Variants in ALPK3 observed in about 807,000 individuals in gnomAD.
The protein encoded by ALPK3 is alpha-protein kinase 3.
A neutral mutation model predicts 140.0 loss-of-function variants in ALPK3; 102 were observed. The observed-to-expected ratio is 0.73, with a 90% CI of 0.62 to 0.86. ALPK3 has a LOEUF of 0.86. Among genes scored for constraint, ALPK3 ranks in the 40% least tolerant of loss-of-function variants. ALPK3 has a pLI of 0.00. For synonymous variants in ALPK3, 938 were observed against 898.5 expected (o/e 1.04, Z -0.79); for missense variants, 2,254 against 2,208.2 (o/e 1.02, Z -0.42).
At chr15:84,830,733 T>C (rs1301117665) in intron 3 of ALPK3, among the ~76,000 whole-genome samples, 1 of 152,232 alleles carries the variant, frequency 6.6e-6, no homozygotes, top group Non-Finnish European at 1.5e-5. Context: ...AGATTTCCTC[T>C]GTCACCCCGG....
In ALPK3 at chr15:84,829,883, T is replaced by A. The variant is rs535175903; in HGVS notation, c.304+2278T>A. On this transcript the variant is annotated intron_variant, in intron 3 of 13. Transcript: ENST00000258888. ...GGGGCTTATTGTGTTGACTGTATAGTCCGGATGGTTGCTGTGTCCTGAGGA... is the reference window on the plus strand; with the variant it reads ...GGGGCTTATTGTGTTGACTGTATAGACCGGATGGTTGCTGTGTCCTGAGGA... Among the ~76,000 whole-genome samples, 11 of 152,332 alleles carry A rather than the reference T, an allele frequency of 7.2e-5. No individual in the cohort carries two copies. In the South Asian group the frequency reaches 2.3e-3, roughly 32 times the overall value.
chr15:84,861,518 T>C lies in ALPK3; in HGVS notation c.4130-1117T>C, dbSNP rs372194041. 1.9e-3 allele frequency among the ~76,000 whole-genome samples: 292 copies of C among 152,374 alleles called. 4 individuals carry two copies. Among genetic ancestry groups the C allele is most frequent in the African/African-American group, 6.8e-3 (284 of 41,592 alleles). ...AGGTGCATCTGTGTGATCCATCCCC[T>C]TTTAAAGTTAAAAACAATCTGATAC... On this transcript the variant is annotated intron_variant, in intron 9 of 13. Transcript: ENST00000258888.
Position 84,839,967 on chromosome 15 carries a change from G to T in ALPK3, c.688G>T (p.Ala230Ser). Residue 230 changes from alanine to serine, a missense_variant, in exon 5 of 14, where the codon GCT becomes TCT. Transcript: ENST00000258888. ...CCAGCGAAAGCGGCGATTGAGCGGG[G>T]CTCAAGCGCCGGGCCCCTCGGTCCC... ...RFQRKRRLSG[A>S]QAPGPSVPTR... 2 of 1,612,996 alleles carry T rather than the reference G, an allele frequency of 1.2e-6. No homozygotes were observed.
chr15:84,840,187 G>A lies in ALPK3; in HGVS notation c.908G>A (p.Gly303Glu). Residue 303 changes from glycine to glutamate, a missense_variant, in exon 5 of 14, where the codon GGG becomes GAG. Physicochemically the swap from Gly to Glu is moderately conservative, Grantham distance 98 (BLOSUM62 -2). Coordinates refer to ENST00000258888, the MANE Select transcript of ALPK3 (RefSeq NM_020778.5). ...TACATCTGTGACGCCATGGAGCTGG[G>A]GCCTCAGAGAGCCCTCAAAGAGGAG... Reference protein sequence around the residue: ...LTYICDAMELGPQRALKEESG... With the variant: ...LTYICDAMELEPQRALKEESG... 6.2e-7 allele frequency: 1 copy of A among 1,613,876 alleles called. No individual in the cohort carries two copies. Among genetic ancestry groups the A allele is most frequent in the East Asian group, 2.2e-5 (1 of 44,858 alleles).
chr15:84,838,579 C>T (rs988742012), intron 3 of ALPK3, among the ~76,000 whole-genome samples: 4 of 151,192 alleles, frequency 2.6e-5, no homozygotes, highest in Non-Finnish European at 2.9e-5. Context: ...TGGGAAGCCA[C>T]GGCCTCGTGT....
At chr15:84,829,131 A>G (rs1296250570) in intron 3 of ALPK3, among the ~76,000 whole-genome samples, 2 of 152,190 alleles carry the variant, frequency 1.3e-5, no homozygotes, top group African/African-American at 2.4e-5. Context: ...CCCAGAAGCA[A>G]CTGTTTTCAG....
intron 3 of ALPK3, among the ~76,000 whole-genome samples, chr15:84,838,679 G>A (rs1333168948): frequency 6.6e-6 from 1 of 150,736 alleles, no homozygotes; most frequent in African/African-American, 2.4e-5. Context: ...GAGTGCAGTG[G>A]CAAGATCTTG....
Position 84,858,565 on chromosome 15 carries a change from G to T in ALPK3, c.3817+10G>T. On this transcript the variant is annotated intron_variant, in intron 6 of 13. Coordinates refer to ENST00000258888, the MANE Select transcript of ALPK3 (RefSeq NM_020778.5). ...AAAGACCTGCTGAAAGGTGAGCAGT[G>T]GGGAGGGAGAGGGATGGCTTCACAG... The T allele has an allele frequency of 6.4e-7, 1 of 1,569,436 alleles. No individual in the cohort carries two copies. The highest frequency in any genetic ancestry group is 8.6e-7 in the Non-Finnish European group (1 of 1,166,186).
At chr15:84,843,085 C>A (rs1963685480) in intron 5 of ALPK3, among the ~76,000 whole-genome samples, 1 of 152,240 alleles carries the variant, frequency 6.6e-6, no homozygotes, top group African/African-American at 2.4e-5. Context: ...CCAGCCCCCT[C>A]TTCCTTGCCT....
At chr15:84,856,061 G>T (rs183053090) in intron 5 of ALPK3, among the ~76,000 whole-genome samples, 3 of 152,272 alleles carry the variant, frequency 2.0e-5, no homozygotes, top group Middle Eastern at 6.8e-3. Context: ...ATATGGTAGG[G>T]GTGAGGGGTG....
In ALPK3 at chr15:84,839,991, C is replaced by A. The variant is rs138094037; in HGVS notation, c.712C>A (p.Pro238Thr). ...SGAQAPGPSV[P>T]TREPEGGTLA... The stretch of plus-strand genomic sequence containing the variant: ...GGCTCAAGCGCCGGGCCCCTCGGTC[C>A]CTACCAGGGAGCCTGAGGGTGGGAC... The change falls in exon 5 of 14, where the codon CCT (proline) becomes ACT (threonine). Residue 238 changes from proline to threonine, a missense_variant. Physicochemically the swap from Pro to Thr is conservative, Grantham distance 38. Around this residue, in one of 3 missense-constraint regions of ALPK3, gnomAD observed 2,088 missense variants for 2,022.9 expected, o/e 1.03. Transcript: ENST00000258888. 1 of 1,612,886 alleles carries A rather than the reference C, an allele frequency of 6.2e-7. No individual in the cohort carries two copies. The highest frequency in any genetic ancestry group is 8.5e-7 in the Non-Finnish European group (1 of 1,179,538).
intron 4 of ALPK3, among the ~76,000 whole-genome samples, chr15:84,839,444 A>G (rs1398468932): frequency 6.6e-6 from 1 of 152,178 alleles, no homozygotes; most frequent in African/African-American, 2.4e-5. Context: ...TTCTGAAGGG[A>G]GCTCTCCTGG....
chr15:84,823,481 A>T, intron 2 of ALPK3, 113 bp downstream of exon 2: 7 of 1,190,516 alleles, frequency 5.9e-6, no homozygotes, highest in Non-Finnish European at 7.4e-6. Context: ...GTGAGGGGAG[A>T]GCTGGAGGGT....
In ALPK3 at chr15:84,868,210, T is replaced by C; in HGVS notation, c.4872T>C (p.Pro1624=). The change falls in exon 14 of 14, where the codon CCT becomes CCC. Residue 1624 remains proline (P), a synonymous_variant. Coordinates refer to ENST00000258888, the MANE Select transcript of ALPK3 (RefSeq NM_020778.5). ...NAYCELLGLT[P]LKGPEAAHPQ... ...ACTGTGAGCTGCTGGGGCTGACACC[T>C]CTCAAGGGCCCGGAGGCGGCCCACC... 6.2e-7 allele frequency: 1 copy of C among 1,614,048 alleles called. No individual in the cohort carries two copies. Among genetic ancestry groups the C allele is most frequent in the Non-Finnish European group, 8.5e-7 (1 of 1,180,014 alleles).
chr15:84,861,245 T>C (rs1963942485), intron 9 of ALPK3, among the ~76,000 whole-genome samples: 1 of 152,224 alleles, frequency 6.6e-6, no homozygotes, highest in Non-Finnish European at 1.5e-5. Flanking sequence ...TTTGTTAAAG[T>C]CACTGGTATA....
At position 84,859,410 on chromosome 15, in the gene ALPK3, G is replaced by T; in HGVS notation, c.3965+20G>T. 1 of 1,613,446 alleles carries T rather than the reference G, an allele frequency of 6.2e-7. No individual in the cohort carries two copies. Among genetic ancestry groups the T allele is most frequent in the Non-Finnish European group, 8.5e-7 (1 of 1,179,676 alleles). On this transcript the variant is annotated intron_variant, in intron 7 of 13. Coordinates refer to ENST00000258888, the MANE Select transcript of ALPK3 (RefSeq NM_020778.5). ...CAGGAGGTAAGCCAACGACACCACT[G>T]CCACCTGACCTGGCTCCCTGATTGC...
rs1326264572 is a variant in ALPK3 at position 84,835,212 on chromosome 15, C to T, written c.305-3768C>T. Among the ~76,000 whole-genome samples the T allele has an allele frequency of 2.0e-5, 3 of 152,194 alleles. No individual in the cohort carries two copies. In the East Asian group the frequency reaches 5.8e-4, roughly 29 times the overall value. ...AGATCATCTCACAGGATGGTGAGGA[C>T]ACCTGTGCTGGCTCTGGTCACACAC... On this transcript the variant is annotated intron_variant, in intron 3 of 13. Coordinates refer to ENST00000258888, the MANE Select transcript of ALPK3 (RefSeq NM_020778.5).
intron 2 of ALPK3, 127 bp from the exon 3 acceptor site, chr15:84,827,356 CG>C: frequency 7.4e-7 from 1 of 1,354,554 alleles, no homozygotes; most frequent in Non-Finnish European, 1.0e-6. Context: ...AAAGACTTGC[CG>C]GGGTGCTGCA....
chr15:84,864,154 C>T (rs1963978955), intron 11 of ALPK3, among the ~76,000 whole-genome samples: 2 of 152,222 alleles, frequency 1.3e-5, no homozygotes, highest in Non-Finnish European at 2.9e-5. Context: ...TTGACACATA[C>T]ATGCCTCAAT....
Sources: gnomAD v4.1 joint callset for allele counts (sites outside exome capture counted in the v4.1 genomes callset) on GRCh38, gnomAD v4.1.1 for gene constraint, gnomAD v4.1.1 regional missense constraint, MANE v1.5 for transcripts, NCBI Gene and HGNC (gene_info 2026-07-23, HGNC 2026-07-21) for gene names.